DMXL2: variants seen among roughly 807,000 people sequenced by gnomAD.
DMXL2 encodes Dmx like 2.
Under a neutral mutation model 331.1 loss-of-function variants are expected in DMXL2, and 103 were observed. The ratio of observed to expected loss-of-function variants is 0.31; its 90% confidence interval spans 0.27 to 0.37. The LOEUF is 0.37. Among genes scored for constraint, DMXL2 ranks in the 10% least tolerant of loss-of-function variants. The pLI, the probability that DMXL2 is intolerant of heterozygous loss-of-function variation, is 1.00. For missense variants in DMXL2, 3,171 were observed against 3,642.9 expected, an observed-to-expected ratio of 0.87 and a Z score of 3.33; for synonymous variants, 1,281 against 1,252.1, an observed-to-expected ratio of 1.02 and a Z score of -0.49.
intron 2 of DMXL2, among the ~76,000 whole-genome samples, chr15:51,571,406 G>T (rs1449348040): frequency 6.6e-6 from 1 of 152,000 alleles, no homozygotes; most frequent in Non-Finnish European, 1.5e-5. Context: ...GGATACCAGG[G>T]CTTGAACTCA....
chr15:51,600,950 C>T (rs2053183726), intron 1 of DMXL2, among the ~76,000 whole-genome samples: 1 of 152,114 alleles, frequency 6.6e-6, no homozygotes, highest in South Asian at 2.1e-4. Flanking sequence ...AACAGCCACT[C>T]TCCAGAGAGT....
At position 51,485,523 on chromosome 15, in the gene DMXL2, T is replaced by A. The variant is rs117125859; in HGVS notation, c.5482+550A>T. On this transcript the variant is annotated intron_variant, in intron 23 of 43. Coordinates refer to ENST00000560891, the MANE Select transcript of DMXL2 (RefSeq NM_001378457.1). ...CCACACTGCTGTGCATCTTACTTTT[T>A]TTCACTTAAAAATACAGCACATATT... Among the ~76,000 whole-genome samples the A allele has an allele frequency of 4.3e-4, 65 of 152,342 alleles. 3 individuals are homozygous for A. In the East Asian group the frequency reaches 0.013, roughly 29 times the overall value.
At chr15:51,529,435 C>T (rs1411010094) in intron 13 of DMXL2, among the ~76,000 whole-genome samples, 1 of 151,866 alleles carries the variant, frequency 6.6e-6, no homozygotes, top group Non-Finnish European at 1.5e-5. Flanking sequence ...ACAACTGATG[C>T]CAAAGAAATT....
At position 51,563,440 on chromosome 15, in the gene DMXL2, C is replaced by A; in HGVS notation, c.508G>T (p.Val170Leu). Residue 170 changes from valine to leucine, a missense_variant, in exon 6 of 44, where the codon GTA (valine) becomes TTA (leucine). Val to Leu is a conservative substitution (Grantham distance 32). Transcript: ENST00000560891. ...WKCVWQCKTS[V>L]SVHLMEWSPD... is the part of the protein sequence containing the mutation. ...GACCATTCCATCAAATGTACAGATA[C>A]TGAGGTTCTAAAAAAGAGAGAGTTA... 6.2e-7 allele frequency: 1 copy of A among 1,604,190 alleles called. No homozygotes were observed. The highest frequency in any genetic ancestry group is 8.5e-7 in the Non-Finnish European group (1 of 1,176,132).
intron 42 of DMXL2, 151 bp downstream of exon 42, chr15:51,451,494 C>T: frequency 4.8e-6 from 3 of 630,154 alleles, no homozygotes; most frequent in South Asian, 2.5e-5. Context: ...ATTAACTTTC[C>T]AAATTTTTAG....
At chr15:51,527,256 G>GA (rs1334993576) in intron 13 of DMXL2, among the ~76,000 whole-genome samples, 8 of 150,366 alleles carry the variant, frequency 5.3e-5, no homozygotes, top group Non-Finnish European at 8.9e-5. Context: ...GTGCTGAAAA[G>GA]AAAAAAAAAT....
intron 13 of DMXL2, among the ~76,000 whole-genome samples, chr15:51,525,415 GGCAAAAGTAAAGGGAACTTTATCTT>G (rs1229625278): frequency 6.6e-6 from 1 of 152,084 alleles, no homozygotes; most frequent in Non-Finnish European, 1.5e-5. Context: ...GAGAAGCAGA[GGCAAAAGTAAAGGGAACTTTATCTT>G]GCATCTTAGG....
intron 1 of DMXL2, among the ~76,000 whole-genome samples, chr15:51,598,568 A>G (rs1023281443): frequency 3.0e-4 from 45 of 152,204 alleles, no homozygotes; most frequent in Non-Finnish European, 2.1e-4. Flanking sequence ...ATCTGGAATA[A>G]TTCTTCACTC....
At chr15:51,489,053 C>T (rs911305941) in intron 20 of DMXL2, among the ~76,000 whole-genome samples, 2 of 152,110 alleles carry the variant, frequency 1.3e-5, no homozygotes, top group Non-Finnish European at 1.5e-5. Context: ...ATAGAAACCA[C>T]GTAGAACTGA....
intron 1 of DMXL2, among the ~76,000 whole-genome samples, chr15:51,588,161 GTT>G (rs200523115): frequency 6.4e-4 from 90 of 141,406 alleles, no homozygotes; most frequent in African/African-American, 7.8e-4. Context: ...TTGTTTAGGG[GTT>G]TTTTTTTTTT....
rs758029703 is a variant in DMXL2, at chr15:51,499,292, A to C, written c.3932T>G (p.Val1311Gly). The C allele has an allele frequency of 8.1e-6, 13 of 1,613,818 alleles. No homozygotes were observed. The highest frequency in any genetic ancestry group is 1.1e-5 in the Non-Finnish European group (13 of 1,180,028). Residue 1311 changes from valine (V) to glycine (G), a missense_variant, in exon 18 of 44, where the codon GTT becomes GGT. By Grantham distance (109) the Val-to-Gly change is moderately radical. Coordinates refer to ENST00000560891, the MANE Select transcript of DMXL2 (RefSeq NM_001378457.1). The part of the protein sequence containing the change: ...FKSNMLARKS[V>G]VEGTAISDDV... ...ATCAGAAATAGCTGTTCCTTCAACA[A>C]CACTTTTTCTTGCCAGCATATTAGA...
intron 17 of DMXL2, among the ~76,000 whole-genome samples, chr15:51,500,581 C>A (rs2043517301): frequency 6.6e-6 from 1 of 152,170 alleles, no homozygotes; most frequent in African/African-American, 2.4e-5. Context: ...ACCTTCACAA[C>A]ATGCCTCCTT....
At chr15:51,578,106 T>C (rs559122862) in intron 1 of DMXL2, among the ~76,000 whole-genome samples, 50 of 152,266 alleles carry the variant, frequency 3.3e-4, no homozygotes, top group Middle Eastern at 3.4e-3. Context: ...ACAGAAGAAG[T>C]ACTCAACAAG....
intron 1 of DMXL2, among the ~76,000 whole-genome samples, chr15:51,612,795 T>C (rs2054060993): frequency 6.6e-6 from 1 of 152,156 alleles, no homozygotes; most frequent in Non-Finnish European, 1.5e-5. Flanking sequence ...CCAATATTTA[T>C]TAGGTGGGAA....
rs541579751 is a variant in DMXL2 at position 51,453,400 on chromosome 15, G to GA, written c.8696+149dup. 8.5e-5 allele frequency: 45 copies of GA among 526,390 alleles called. No individual in the cohort carries two copies. In the African/African-American group the frequency reaches 9.0e-4, roughly 11 times the overall value. The allele number at this position is 526,390 out of a possible 1,614,324, so 32.6% of individuals were successfully genotyped here. A position where few individuals can be genotyped will look rare whatever the true frequency, so the allele number is the denominator to read the frequency against. On this transcript the variant is annotated intron_variant, in intron 41 of 43. Transcript: ENST00000560891. ...ATTTTTGCTTTTCTCTTTTTGGTAAGAAAAAACACTCTGAAATAAGAATTA... is the reference window on the plus strand; with the variant it reads ...ATTTTTGCTTTTCTCTTTTTGGTAAGAAAAAAACACTCTGAAATAAGAATTA...
chr15:51,498,496 T>C, intron 18 of DMXL2, 56 bp downstream of exon 18: 1 of 1,527,508 alleles, frequency 6.5e-7, no homozygotes, highest in South Asian at 1.3e-5. Context: ...AGTATAGAGA[T>C]AATACAAATA....
chr15:51,455,758 G>T (rs1250656775), intron 39 of DMXL2, among the ~76,000 whole-genome samples: 1 of 152,116 alleles, frequency 6.6e-6, no homozygotes, highest in Non-Finnish European at 1.5e-5. Flanking sequence ...ATGAAATTTA[G>T]TAAGAAACTA....
intron 1 of DMXL2, among the ~76,000 whole-genome samples, chr15:51,592,736 C>T (rs1567162659): frequency 6.6e-6 from 1 of 152,190 alleles, no homozygotes; most frequent in Non-Finnish European, 1.5e-5. Context: ...TCTACAAGAG[C>T]CAGAAGAGAG....
chr15:51,452,233 A>T (rs2039211577), intron 41 of DMXL2, among the ~76,000 whole-genome samples: 1 of 152,218 alleles, frequency 6.6e-6, no homozygotes, highest in Non-Finnish European at 1.5e-5. Flanking sequence ...ACATTGACTT[A>T]AAGAATTCAT....
Sources: allele counts gnomAD v4.1 joint callset (sites outside exome capture counted in the v4.1 genomes callset), GRCh38; gene constraint gnomAD v4.1.1; transcripts MANE v1.5; gene names NCBI Gene and HGNC (gene_info 2026-07-23, HGNC 2026-07-21).